Variants in PTPRD observed in about 807,000 individuals in gnomAD.
The protein encoded by PTPRD is protein tyrosine phosphatase receptor type D, also known as receptor-type tyrosine-protein phosphatase delta.
In PTPRD, 34 loss-of-function variants were observed where a neutral mutation model predicts 214.5. The ratio of observed to expected loss-of-function variants is 0.16; its 90% CI spans 0.12 to 0.21. The LOEUF (loss-of-function observed/expected upper bound fraction) is 0.21, where lower values mean the gene tolerates loss of function less well. Among genes scored for constraint, PTPRD ranks in the 10% least tolerant of loss-of-function variants. The pLI is 1.00. For missense variants in PTPRD, 2,545 were observed against 2,398.7 expected (o/e 1.06, Z -1.27); for synonymous variants, 1,128 against 845.7 (o/e 1.33, Z -5.79).
chr9:9,260,558 A>G (rs2099979669), intron 9 of PTPRD, among the ~76,000 whole-genome samples: 1 of 151,334 alleles, frequency 6.6e-6, no homozygotes, highest in Non-Finnish European at 1.5e-5. Context: ...ATTCCCTCTC[A>G]ATTTTCTCAT....
At chr9:8,822,924 G>C (rs1312570973) in intron 11 of PTPRD, among the ~76,000 whole-genome samples, 1 of 152,106 alleles carries the variant, frequency 6.6e-6, no homozygotes, top group Admixed American at 6.5e-5. Context: ...ACTAAGCCCA[G>C]TGTTCACACA....
At chr9:8,589,223 C>G (rs1376871580) in intron 14 of PTPRD, among the ~76,000 whole-genome samples, 2 of 152,148 alleles carry the variant, frequency 1.3e-5, no homozygotes, top group Admixed American at 6.5e-5. Flanking sequence ...ATCAACCCAC[C>G]AACCAAACAA....
chr9:8,805,352 T>G (rs2154520395), intron 11 of PTPRD, among the ~76,000 whole-genome samples: 1 of 152,300 alleles, frequency 6.6e-6, no homozygotes, highest in Non-Finnish European at 1.5e-5. Flanking sequence ...CTCTCTAAAT[T>G]CTACATATCC....
intron 37 of PTPRD, among the ~76,000 whole-genome samples, chr9:8,383,653 C>T (rs2135374970): frequency 1.3e-5 from 2 of 152,306 alleles, no homozygotes; most frequent in Middle Eastern, 6.8e-3. Flanking sequence ...TATATTTTCA[C>T]TACTAATTGG....
chr9:8,677,047 T>A (rs750316901), intron 12 of PTPRD, among the ~76,000 whole-genome samples: 31 of 152,150 alleles, frequency 2.0e-4, no homozygotes, highest in Non-Finnish European at 3.8e-4. Context: ...AAAGACATAA[T>A]CAAACGGCAT....
At chr9:8,619,263 T>C (rs953180993) in intron 14 of PTPRD, among the ~76,000 whole-genome samples, 8 of 152,014 alleles carry the variant, frequency 5.3e-5, no homozygotes, top group South Asian at 4.1e-4. Flanking sequence ...TTATGAACTA[T>C]AGTCACCATG....
intron 11 of PTPRD, among the ~76,000 whole-genome samples, chr9:8,926,152 G>C (rs915294091): frequency 6.6e-6 from 1 of 151,862 alleles, no homozygotes; most frequent in Admixed American, 6.6e-5. Context: ...TACTCCATTT[G>C]CCCAAACTGC....
chr9:10,274,370 G>T (rs1402322520), intron 3 of PTPRD, among the ~76,000 whole-genome samples: 3 of 152,150 alleles, frequency 2.0e-5, no homozygotes, highest in African/African-American at 7.2e-5. Context: ...AACCAGAAGT[G>T]CTATGACAAC....
chr9:10,528,768 T>G (rs928711475), intron 2 of PTPRD, among the ~76,000 whole-genome samples: 1 of 152,188 alleles, frequency 6.6e-6, no homozygotes, highest in Admixed American at 6.6e-5. Flanking sequence ...TGAGTGTCTT[T>G]AAATATTCTC....
rs553942541 is a variant in PTPRD at position 10,179,344 on chromosome 9, A to G, written c.-544-145554T>C. 3.7e-4 allele frequency among the ~76,000 whole-genome samples: 56 copies of G among 152,138 alleles called. 1 individual carries two copies. In the East Asian group the frequency reaches 0.01, roughly 27 times the overall value. On this transcript the variant is annotated intron_variant, in intron 3 of 45. Coordinates refer to ENST00000381196, the MANE Select transcript of PTPRD (RefSeq NM_002839.4). ...TCAAAAGTCTTTTTGAATAACTCTT[A>G]GAAGATATTGCCAACATAGAAAGCA...
chr9:9,342,420 A>C (rs1401324796), intron 9 of PTPRD, among the ~76,000 whole-genome samples: 1 of 152,200 alleles, frequency 6.6e-6, no homozygotes, highest in African/African-American at 2.4e-5. Context: ...TAGAGAAAAA[A>C]TACTAACAGG....
intron 3 of PTPRD, among the ~76,000 whole-genome samples, chr9:10,053,518 T>G (rs1463811834): frequency 6.6e-6 from 1 of 152,080 alleles, no homozygotes; most frequent in African/African-American, 2.4e-5. Context: ...AGTGGGTAAA[T>G]ACTGGAAGCA....
chr9:9,499,335 T>C (rs1364914978), intron 8 of PTPRD, among the ~76,000 whole-genome samples: 1 of 152,090 alleles, frequency 6.6e-6, no homozygotes, highest in Admixed American at 6.6e-5. Flanking sequence ...TCATGAATTC[T>C]GACTTCTCCT....
At chr9:9,009,370 G>A (rs2099497953) in intron 11 of PTPRD, among the ~76,000 whole-genome samples, 1 of 151,916 alleles carries the variant, frequency 6.6e-6, no homozygotes, top group Non-Finnish European at 1.5e-5. Context: ...AATCCTAAAG[G>A]TAGTGTCTAA....
At chr9:9,308,679 C>A (rs1000952765) in intron 9 of PTPRD, among the ~76,000 whole-genome samples, 1 of 151,944 alleles carries the variant, frequency 6.6e-6, no homozygotes, top group Non-Finnish European at 1.5e-5. Flanking sequence ...TTCTATTTAC[C>A]GGCACCTGAT....
intron 33 of PTPRD, among the ~76,000 whole-genome samples, chr9:8,452,703 T>C (rs1296010089): frequency 6.6e-6 from 1 of 152,230 alleles, no homozygotes; most frequent in Non-Finnish European, 1.5e-5. Flanking sequence ...GGAAGATCAC[T>C]TGACATTTTG....
chr9:10,055,463 A>G (rs548032803), intron 3 of PTPRD, among the ~76,000 whole-genome samples: 2 of 152,086 alleles, frequency 1.3e-5, no homozygotes, highest in Non-Finnish European at 2.9e-5. Context: ...CAGTATATAG[A>G]TAAGGAAACT....
Position 8,882,256 on chromosome 9 carries a change from A to G in PTPRD, c.-104+136441T>C, listed in dbSNP as rs78700300. Among the ~76,000 whole-genome samples the G allele has an allele frequency of 3.0e-3, 456 of 152,278 alleles. 6 individuals carry two copies. The highest frequency in any genetic ancestry group is 0.01 in the African/African-American group (431 of 41,560). On this transcript the variant is annotated intron_variant, in intron 11 of 45. Transcript: ENST00000381196. ...TCTCCTGGATTAGATTTATTTTTAT[A>G]TTGATCTTATAGTATCTCACTTTAA...
intron 10 of PTPRD, among the ~76,000 whole-genome samples, chr9:9,158,035 A>C (rs1296499408): frequency 1.3e-5 from 2 of 152,154 alleles, no homozygotes; most frequent in African/African-American, 2.4e-5. Context: ...ATGTCCCTGC[A>C]AAGGACGTGA....
Sources: gnomAD v4.1 joint callset for allele counts (sites outside exome capture counted in the v4.1 genomes callset) on GRCh38, gnomAD v4.1.1 for gene constraint, MANE v1.5 for transcripts, NCBI Gene and HGNC (gene_info 2026-07-23, HGNC 2026-07-21) for gene names.